Variants in ZFHX3 observed in about 807,000 individuals in gnomAD.
ZFHX3 encodes the protein zinc finger homeobox protein 3.
A neutral mutation model predicts 279.1 loss-of-function variants in ZFHX3; 42 were observed. That is an observed-to-expected ratio of 0.15 (90% confidence interval 0.12 to 0.19). The LOEUF is 0.19. Ranked by LOEUF, ZFHX3 falls within the 10% of genes least tolerant of loss-of-function variation. The pLI is 1.00. For missense variants in ZFHX3, 4,981 were observed against 4,754.0 expected, an observed-to-expected ratio of 1.05 and a Z score of -1.40; for synonymous variants, 2,293 against 1,957.8, an observed-to-expected ratio of 1.17 and a Z score of -4.52.
In ZFHX3 at chr16:73,559,407, C is replaced by T. The variant is rs1308290562; in HGVS notation, c.-1546-103149G>A. Among the ~76,000 whole-genome samples, 5 of 152,220 alleles carry T rather than the reference C, an allele frequency of 3.3e-5. No individual in the cohort carries two copies. The East Asian group carries it at 5.8e-4, about 18-fold the overall frequency. ...ATTGGCAGCTCACTGAAAGACACTG[C>T]GTTTAGGTGATGGCATTAGCTGTGC... is the stretch of plus-strand genomic sequence containing the variant. On this transcript the variant is annotated intron_variant, in intron 2 of 17. Transcript: ENST00000641206.
At chr16:73,270,868 G>A (rs1439937685) in intron 4 of ZFHX3, among the ~76,000 whole-genome samples, 1 of 152,022 alleles carries the variant, frequency 6.6e-6, no homozygotes, top group Non-Finnish European at 1.5e-5. Flanking sequence ...AGGTATGGAG[G>A]GGAAGAAGCC....
intron 1 of ZFHX3, among the ~76,000 whole-genome samples, chr16:73,782,568 A>G (rs780635047): frequency 2.0e-5 from 3 of 151,944 alleles, no homozygotes; most frequent in Admixed American, 6.5e-5. Flanking sequence ...AGTGAAGTGT[A>G]GTAGAAGCAT....
At chr16:73,441,783 T>C (rs1250548091) in intron 3 of ZFHX3, among the ~76,000 whole-genome samples, 3 of 152,212 alleles carry the variant, frequency 2.0e-5, no homozygotes, top group Non-Finnish European at 4.4e-5. Flanking sequence ...TTACCCTCTC[T>C]GAGTCTCAGT....
intron 4 of ZFHX3, among the ~76,000 whole-genome samples, chr16:72,862,731 G>A (rs2037917167): frequency 1.3e-5 from 2 of 152,112 alleles, no homozygotes; most frequent in African/African-American, 4.8e-5. Context: ...AGAAGAACAT[G>A]TTCAACAATG....
chr16:73,425,870 T>C (rs1252264060), intron 3 of ZFHX3, among the ~76,000 whole-genome samples: 1 of 152,190 alleles, frequency 6.6e-6, no homozygotes, highest in African/African-American at 2.4e-5. Flanking sequence ...TCTTGTTCAC[T>C]CTTGGAACAC....
chr16:73,485,260 A>G (rs1050488349), intron 2 of ZFHX3, among the ~76,000 whole-genome samples: 1 of 152,140 alleles, frequency 6.6e-6, no homozygotes, highest in African/African-American at 2.4e-5. Context: ...AAAATAGCCA[A>G]CCATGATACT....
intron 5 of ZFHX3, among the ~76,000 whole-genome samples, chr16:73,216,766 A>T (rs371885599): frequency 2.0e-5 from 3 of 151,524 alleles, no homozygotes; most frequent in African/African-American, 7.2e-5. Context: ...CCATCGCAAA[A>T]AAGAAAAAGA....
intron 5 of ZFHX3, among the ~76,000 whole-genome samples, chr16:73,179,793 C>T (rs780877658): frequency 3.3e-5 from 5 of 152,100 alleles, no homozygotes; most frequent in Non-Finnish European, 7.3e-5. Flanking sequence ...TTGTCTGCTC[C>T]GCTTTTAGCA....
chr16:72,798,292 A>G lies in ZFHX3; in HGVS notation c.4390T>C (p.Tyr1464His). ...TCCCCATTGGCCAGCAGGCCACCAT[A>G]AAGCTGTTGGATGTCAGCCTCACTC... ...ELSEADIQQL[Y>H]GGLLANGDLL... Residue 1464 changes from tyrosine (Y) to histidine (H), a missense_variant, in exon 9 of 10, where the codon TAT becomes CAT. This residue lies in a region of ZFHX3 where 1,751 missense variants were observed against 1,770.0 expected (regional missense o/e 0.99). Coordinates refer to ENST00000268489, the MANE Select transcript of ZFHX3 (RefSeq NM_006885.4). The G allele has an allele frequency of 1.2e-6, 2 of 1,614,196 alleles. No homozygotes were observed. Among genetic ancestry groups the G allele is most frequent in the Non-Finnish European group, 1.7e-6 (2 of 1,180,032 alleles).
chr16:73,195,245 G>A (rs1344743867), intron 5 of ZFHX3, among the ~76,000 whole-genome samples: 1 of 151,994 alleles, frequency 6.6e-6, no homozygotes, highest in Non-Finnish European at 1.5e-5. Context: ...GAGAAGGGGA[G>A]GACCCTTTGT....
In ZFHX3 at chr16:73,795,719, C is replaced by T. The variant is rs541529683; in HGVS notation, c.-1608+95932G>A. On this transcript the variant is annotated intron_variant, in intron 1 of 17. Transcript: ENST00000641206. ...CTGATTTGACATTGATCATCAATCC[C>T]TTAACTAACCCAGAATTGCATTCAG... Among the ~76,000 whole-genome samples, 3 of 152,298 alleles carry T rather than the reference C, an allele frequency of 2.0e-5. No individual in the cohort carries two copies. In the South Asian group the frequency reaches 6.2e-4, roughly 32 times the overall value.
chr16:73,003,346 A>T (rs1049082538), intron 1 of ZFHX3, among the ~76,000 whole-genome samples: 2 of 151,040 alleles, frequency 1.3e-5, no homozygotes, highest in African/African-American at 4.9e-5. Context: ...TCAGACAAAG[A>T]CTCCGCCCTT....
rs973950734 is a variant in ZFHX3, at chr16:72,970,337, T to G, written c.-49-10143A>C. 2.0e-5 allele frequency among the ~76,000 whole-genome samples: 3 copies of G among 152,168 alleles called. No homozygotes were observed. The East Asian group carries it at 5.8e-4, about 29-fold the overall frequency. On this transcript the variant is annotated intron_variant, in intron 1 of 9. Coordinates refer to ENST00000268489, the MANE Select transcript of ZFHX3 (RefSeq NM_006885.4). ...CTATTATTTATGCTCTGCCTTGTTC[T>G]AAAAAGGGATTTGGGGCAATTTAAA...
In ZFHX3 at chr16:72,788,664, TTGCTGCTGC is replaced by T. The variant is rs376311468; in HGVS notation, c.9603_9611del (p.Gln3202_Gln3204del). On this transcript the variant is annotated inframe_deletion, in exon 10 of 10. Transcript: ENST00000268489. ...GCGGGGGAGGCTGCTGCACCTGTGG[TTGCTGCTGC>T]TGCTGCTGCTGCTGGGGGGGTTGCT... 184 of 1,611,726 alleles carry T rather than the reference TTGCTGCTGC, an allele frequency of 1.1e-4. No individual in the cohort carries two copies. Among genetic ancestry groups the T allele is most frequent in the Middle Eastern group, 3.3e-4 (2 of 6,042 alleles).
chr16:73,074,982 T>C (rs564347866), intron 8 of ZFHX3, among the ~76,000 whole-genome samples: 1 of 152,156 alleles, frequency 6.6e-6, no homozygotes, highest in South Asian at 2.1e-4. Flanking sequence ...AATTTTTGTT[T>C]TTTTTTGTAG....
At chr16:72,948,219 G>A (rs1365331219) in intron 3 of ZFHX3, among the ~76,000 whole-genome samples, 1 of 152,176 alleles carries the variant, frequency 6.6e-6, no homozygotes, top group Non-Finnish European at 1.5e-5. Flanking sequence ...GCTCCTGACG[G>A]AGGCAATTCT....
chr16:73,378,030 C>CAAAAAA (rs71156159), intron 3 of ZFHX3, among the ~76,000 whole-genome samples: 828 of 53,754 alleles, frequency 0.015, 214 homozygotes, highest in Non-Finnish European at 0.022. Flanking sequence ...GACTCTGTCT[C>CAAAAAA]AAAAAAAAAA....
At chr16:73,760,649 G>C (rs200387437) in intron 1 of ZFHX3, among the ~76,000 whole-genome samples, 7 of 152,222 alleles carry the variant, frequency 4.6e-5, no homozygotes, top group Non-Finnish European at 1.0e-4. Flanking sequence ...CTTGATTGCC[G>C]GGATGCAAGG....
At chr16:73,196,202 G>C (rs1393472737) in intron 5 of ZFHX3, among the ~76,000 whole-genome samples, 1 of 140,636 alleles carries the variant, frequency 7.1e-6, no homozygotes, top group South Asian at 2.3e-4. Context: ...CAGTTTAATT[G>C]CTCTTCACAG....
Sources: allele counts gnomAD v4.1 joint callset (sites outside exome capture counted in the v4.1 genomes callset), GRCh38; gene constraint gnomAD v4.1.1; regional missense constraint gnomAD v4.1.1; transcripts MANE v1.5; gene names NCBI Gene and HGNC (gene_info 2026-07-23, HGNC 2026-07-21).